The following LHFPL3 variants were observed in gnomAD, a reference collection of about 807,000 sequenced individuals.
LHFPL3 encodes the protein LHFPL tetraspan subfamily member 3.
In LHFPL3, 5 loss-of-function variants were observed where a neutral mutation model predicts 19.3. That is an observed-to-expected ratio of 0.26 (90% CI 0.14 to 0.54). The LOEUF is 0.54. Among genes scored for constraint, LHFPL3 ranks in the 20% least tolerant of loss-of-function variants. LHFPL3 has a pLI of 0.94. For missense variants in LHFPL3, 249 were observed against 307.4 expected (o/e 0.81, Z 1.42); for synonymous variants, 133 against 126.2 (o/e 1.05, Z -0.36).
chr7:104,416,131 T>C (rs1022179016), intron 1 of LHFPL3, among the ~76,000 whole-genome samples: 2 of 152,170 alleles, frequency 1.3e-5, no homozygotes, highest in African/African-American at 4.8e-5. Flanking sequence ...ACCAGTATTC[T>C]TATAAGAAGT....
chr7:104,661,946 C>T (rs746597589), intron 1 of LHFPL3, among the ~76,000 whole-genome samples: 8 of 152,150 alleles, frequency 5.3e-5, no homozygotes, highest in Non-Finnish European at 8.8e-5. Flanking sequence ...ACCGAGCTAT[C>T]ATGACAGTCG....
At chr7:104,512,629 G>A (rs948361209) in intron 1 of LHFPL3, among the ~76,000 whole-genome samples, 20 of 152,010 alleles carry the variant, frequency 1.3e-4, no homozygotes, top group Non-Finnish European at 2.5e-4. Flanking sequence ...CCAGCTACTC[G>A]GGAGGCTGAG....
intron 1 of LHFPL3, among the ~76,000 whole-genome samples, chr7:104,690,116 C>T (rs1042909187): frequency 1.3e-5 from 2 of 152,260 alleles, no homozygotes; most frequent in African/African-American, 4.8e-5. Flanking sequence ...CCCAACACAT[C>T]CCCATTCAAC....
At chr7:104,419,195 T>C (rs945149815) in intron 1 of LHFPL3, among the ~76,000 whole-genome samples, 1 of 152,172 alleles carries the variant, frequency 6.6e-6, no homozygotes, top group Non-Finnish European at 1.5e-5. Flanking sequence ...AAATAAACTA[T>C]GGATGATGCT....
At chr7:104,553,048 G>A (rs1323054676) in intron 1 of LHFPL3, among the ~76,000 whole-genome samples, 1 of 152,136 alleles carries the variant, frequency 6.6e-6, no homozygotes, top group Non-Finnish European at 1.5e-5. Flanking sequence ...CTGCCTCATT[G>A]ATAACATGTA....
In LHFPL3 at chr7:104,854,936, C is replaced by T. The variant is rs544135125; in HGVS notation, c.683-51251C>T. Reference sequence around the variant, plus strand: ...ATAATTACTCTCCATTGACTATTAACGTATCCACCCAAACACACCTTTCTC... The same window carrying T: ...ATAATTACTCTCCATTGACTATTAATGTATCCACCCAAACACACCTTTCTC... On this transcript the variant is annotated intron_variant, in intron 2 of 2. Transcript: ENST00000424859. Among the ~76,000 whole-genome samples the T allele has an allele frequency of 3.3e-5, 5 of 152,304 alleles. No individual in the cohort carries two copies. The South Asian group carries it at 8.3e-4, about 25-fold the overall frequency.
chr7:104,717,489 G>T lies in LHFPL3; in HGVS notation c.446-19186G>T, dbSNP rs142979717. On this transcript the variant is annotated intron_variant, in intron 1 of 2. Coordinates refer to ENST00000424859, the MANE Select transcript of LHFPL3 (RefSeq NM_199000.3). ...AACTAATAACCTGATTTTAAAATGG[G>T]CTAAAGACTTGAACATATGTTTCTC... Among the ~76,000 whole-genome samples the T allele has an allele frequency of 9.1e-3, 1,386 of 152,190 alleles. 13 individuals carry two copies. The highest frequency in any genetic ancestry group is 0.018 in the South Asian group (88 of 4,812).
intron 1 of LHFPL3, among the ~76,000 whole-genome samples, chr7:104,680,290 C>T (rs545399717): frequency 2.4e-4 from 36 of 152,284 alleles, no homozygotes; most frequent in African/African-American, 8.2e-4. Flanking sequence ...GTATCCCACT[C>T]CTTTGGCAGC....
rs1015700127 is a variant in LHFPL3 at position 104,906,967 on chromosome 7, C to T, written c.*752C>T. 1 of 152,578 alleles carries T rather than the reference C, an allele frequency of 6.6e-6. No homozygotes were observed. Among genetic ancestry groups the T allele is most frequent in the Non-Finnish European group, 1.5e-5 (1 of 68,018 alleles). The allele number at this position is 152,578 out of a possible 1,614,324, so 9.5% of individuals were successfully genotyped here. A position where few individuals can be genotyped will look rare whatever the true frequency, so the allele number is the denominator to read the frequency against. On this transcript the variant is annotated 3_prime_UTR_variant, in exon 3 of 3. Coordinates refer to ENST00000424859, the MANE Select transcript of LHFPL3 (RefSeq NM_199000.3). ...CTTTACATCATAGGTTCCCAAGCAACATAGATTTCCCTATCTTTCAGGAAA... is the reference window on the plus strand; with the variant it reads ...CTTTACATCATAGGTTCCCAAGCAATATAGATTTCCCTATCTTTCAGGAAA...
chr7:104,384,106 G>A (rs1790887751), intron 1 of LHFPL3, among the ~76,000 whole-genome samples: 1 of 130,928 alleles, frequency 7.6e-6, no homozygotes, highest in Non-Finnish European at 1.7e-5. Context: ...AGTTAAACAG[G>A]GGACAATAAT....
At chr7:104,531,004 A>T (rs1794284707) in intron 1 of LHFPL3, among the ~76,000 whole-genome samples, 1 of 151,498 alleles carries the variant, frequency 6.6e-6, no homozygotes, top group Admixed American at 6.6e-5. Flanking sequence ...AAACAAAAAT[A>T]TTGCCTGTAT....
At chr7:104,727,500 C>T (rs1013718355) in intron 1 of LHFPL3, among the ~76,000 whole-genome samples, 8 of 152,006 alleles carry the variant, frequency 5.3e-5, no homozygotes, top group Non-Finnish European at 8.8e-5. Context: ...CTTCAGAAAG[C>T]GTATAATCTC....
intron 1 of LHFPL3, among the ~76,000 whole-genome samples, chr7:104,709,231 T>A (rs953300483): frequency 2.0e-5 from 3 of 151,458 alleles, no homozygotes; most frequent in Non-Finnish European, 2.9e-5. Context: ...TATTTTTTTT[T>A]ATTTTTTATC....
chr7:104,547,324 A>G (rs1338156053), intron 1 of LHFPL3, among the ~76,000 whole-genome samples: 1 of 151,644 alleles, frequency 6.6e-6, no homozygotes, highest in Admixed American at 6.6e-5. Context: ...TCCTACTTCT[A>G]AGTGGAATTA....
At chr7:104,494,868 C>CA (rs1793428465) in intron 1 of LHFPL3, among the ~76,000 whole-genome samples, 1 of 152,122 alleles carries the variant, frequency 6.6e-6, no homozygotes, top group Non-Finnish European at 1.5e-5. Flanking sequence ...ACACAACCCC[C>CA]AGCTGGGGTA....
Position 104,448,036 on chromosome 7 carries a change from G to T in LHFPL3, c.445+118812G>T, listed in dbSNP as rs894804050. On this transcript the variant is annotated intron_variant, in intron 1 of 2. Transcript: ENST00000424859. The stretch of plus-strand genomic sequence containing the variant: ...CTTCTGCTGTATATACTGAGATACG[G>T]TTTACCTCTAGACTTTCCAAAAGTT... 4.6e-5 allele frequency among the ~76,000 whole-genome samples: 7 copies of T among 151,914 alleles called. No individual in the cohort carries two copies. In the South Asian group the frequency reaches 1.5e-3, roughly 31 times the overall value.
At chr7:104,679,878 G>A (rs764481985) in intron 1 of LHFPL3, among the ~76,000 whole-genome samples, 1 of 152,202 alleles carries the variant, frequency 6.6e-6, no homozygotes, top group African/African-American at 2.4e-5. Flanking sequence ...ACGCATAATA[G>A]TGGGTGCTCT....
At chr7:104,368,224 T>C (rs556598005) in intron 1 of LHFPL3, among the ~76,000 whole-genome samples, 24 of 152,320 alleles carry the variant, frequency 1.6e-4, no homozygotes, top group South Asian at 6.2e-4. Flanking sequence ...CCAGAACAGT[T>C]TGGGTTTGAA....
chr7:104,707,829 T>G (rs1793220884), intron 1 of LHFPL3, among the ~76,000 whole-genome samples: 1 of 152,182 alleles, frequency 6.6e-6, no homozygotes, highest in Non-Finnish European at 1.5e-5. Flanking sequence ...GGAGAAGAGA[T>G]ACGTGTTTGG....
Sources: allele counts gnomAD v4.1 joint callset (sites outside exome capture counted in the v4.1 genomes callset), GRCh38; gene constraint gnomAD v4.1.1; transcripts MANE v1.5; gene names NCBI Gene and HGNC (gene_info 2026-07-23, HGNC 2026-07-21).